IRF5: variants seen among roughly 807,000 people sequenced by gnomAD.
The protein encoded by IRF5 is interferon regulatory factor 5.
IRF5 carries 24 observed loss-of-function variants against 55.1 expected under a neutral mutation model. That is an observed-to-expected ratio of 0.44 (90% CI 0.32 to 0.61). The LOEUF is 0.61. Ranked by LOEUF, IRF5 falls within the 20% of genes least tolerant of loss-of-function variation. IRF5 has a pLI of 0.07. For missense variants in IRF5, 499 were observed against 658.5 expected, an observed-to-expected ratio of 0.76 and a Z score of 2.65; for synonymous variants, 258 against 260.2, an observed-to-expected ratio of 0.99 and a Z score of 0.08.
chr7:128,946,571 G>A lies in IRF5; in HGVS notation c.447+9G>A. 1 of 1,571,084 alleles carries A rather than the reference G, an allele frequency of 6.4e-7. No individual in the cohort carries two copies. The highest frequency in any genetic ancestry group is 1.3e-5 in the African/African-American group (1 of 74,322). ...AGGAAGAAGAGGAAGAGGTGAGTGT[G>A]GGTTGAGGAGGCAGGTGGAGCCCTG... On this transcript the variant is annotated intron_variant, in intron 4 of 8. Coordinates refer to ENST00000357234, the MANE Select transcript of IRF5 (RefSeq NM_001098629.3). This position sits in a 1 kb window ranked among gnomAD's most constrained non-coding sequence, Gnocchi z 4.2.
At chr7:128,939,348 C>CA (rs1795899627) in intron 1 of IRF5, among the ~76,000 whole-genome samples, 1 of 152,106 alleles carries the variant, frequency 6.6e-6, no homozygotes, top group African/African-American at 2.4e-5. Context: ...TTCCCCTACC[C>CA]TGACCCTGGG....
Position 128,946,413 on chromosome 7 carries a change from A to C in IRF5, c.386-88A>C. ...GCTTTGGGGAAGGCAGAAGCTGCAT[A>C]GGAGCTACAGGCAGCCTCTCAGGGG... On this transcript the variant is annotated intron_variant, in intron 3 of 8. Coordinates refer to ENST00000357234, the MANE Select transcript of IRF5 (RefSeq NM_001098629.3). The surrounding 1 kb of genome is among the most constrained non-coding windows in gnomAD (Gnocchi z 4.2). The C allele has an allele frequency of 1.4e-6, 2 of 1,477,624 alleles. No individual in the cohort carries two copies. Among genetic ancestry groups the C allele is most frequent in the Non-Finnish European group, 9.2e-7 (1 of 1,085,240 alleles). 91.5% of individuals were successfully genotyped at this position (1,477,624 alleles called of 1,614,324 possible).
rs1796272168 is a variant in IRF5 at position 128,945,855 on chromosome 7, A to C, written c.206A>C (p.Lys69Thr). The C allele has an allele frequency of 6.2e-7, 1 of 1,610,286 alleles. No individual in the cohort carries two copies. The highest frequency in any genetic ancestry group is 1.3e-5 in the African/African-American group (1 of 74,676). The change falls in exon 3 of 9, where the codon AAG becomes ACG. Residue 69 changes from lysine to threonine, a missense_variant. Coordinates refer to ENST00000357234, the MANE Select transcript of IRF5 (RefSeq NM_001098629.3). Reference protein sequence around the residue: ...GDNTIFKAWAKETGKYTEGVD... With the variant: ...GDNTIFKAWATETGKYTEGVD... ...TTCTTCCTGCCCCAGGCCTGGGCCA[A>C]GGAGACAGGGAAATACACCGAAGGC...
chr7:128,948,450 CCAT>C lies in IRF5; in HGVS notation c.1300-120_1300-118del, dbSNP rs1796448889. 2 of 1,481,800 alleles carry C rather than the reference CCAT, an allele frequency of 1.3e-6. No homozygotes were observed. The highest frequency in any genetic ancestry group is 2.8e-5 in the African/African-American group (2 of 72,144). The allele number at this position is 1,481,800 out of a possible 1,614,324, so 91.8% of individuals were successfully genotyped here. On this transcript the variant is annotated intron_variant, in intron 8 of 8. Coordinates refer to ENST00000357234, the MANE Select transcript of IRF5 (RefSeq NM_001098629.3). The surrounding 1 kb of genome is among the most constrained non-coding windows in gnomAD (Gnocchi z 4.6). ...GCAGTGTGAACTTGGCGGCCAGAGA[CCAT>C]CAAGGCTCAGAGCCGGAGAATGCGG...
chr7:128,945,922 C>T lies in IRF5; in HGVS notation c.273C>T (p.Arg91=). 6.2e-7 allele frequency: 1 copy of T among 1,613,736 alleles called. No individual in the cohort carries two copies. Among genetic ancestry groups the T allele is most frequent in the Non-Finnish European group, 8.5e-7 (1 of 1,179,898 alleles). Residue 91 remains arginine (R), a synonymous_variant, in exon 3 of 9, where the codon CGC becomes CGT. Transcript: ENST00000357234. ...ADPAKWKANL[R]CALNKSRDFR... Reference sequence around the variant, plus strand: ...CGGCCAAGTGGAAGGCCAACCTGCGCTGTGCCCTTAACAAGAGCCGGGACT... The same window carrying T: ...CGGCCAAGTGGAAGGCCAACCTGCGTTGTGCCCTTAACAAGAGCCGGGACT...
chr7:128,948,001 C>T lies in IRF5; in HGVS notation c.1060C>T (p.Arg354Cys), dbSNP rs767365191. Reference sequence around the variant, plus strand: ...ACAGGGCCAGGACCTTTATGCCATCCGCCTGTGTCAGTGCAAGGTGTTCTG... The same window carrying T: ...ACAGGGCCAGGACCTTTATGCCATCTGCCTGTGTCAGTGCAAGGTGTTCTG... ...QLQGQDLYAI[R>C]LCQCKVFWSG... The change falls in exon 7 of 9, where the codon CGC becomes TGC. Residue 354 changes from arginine (R) to cysteine (C), a missense_variant. Around this residue, in one of 2 missense-constraint regions of IRF5, gnomAD observed 194 missense variants for 318.3 expected, o/e 0.61. Transcript: ENST00000357234. The surrounding 1 kb of genome is among the most constrained non-coding windows in gnomAD (Gnocchi z 4.6). 8.1e-6 allele frequency: 13 copies of T among 1,614,176 alleles called. No homozygotes were observed. The highest frequency in any genetic ancestry group is 2.2e-5 in the South Asian group (2 of 91,086).
chr7:128,939,293 T>A (rs1193496390), intron 1 of IRF5, among the ~76,000 whole-genome samples: 1 of 152,098 alleles, frequency 6.6e-6, no homozygotes, highest in East Asian at 1.9e-4. Context: ...TCACCCCTTT[T>A]TATCTAAAGG....
At chr7:128,943,224 C>T (rs970586838) in intron 2 of IRF5, 1 of 202,646 alleles carries the variant, frequency 4.9e-6, no homozygotes, top group African/African-American at 2.4e-5. Context: ...TTAGTAGAGA[C>T]TTTGCCATGT....
Position 128,945,918 on chromosome 7 carries a change from T to A in IRF5, c.269T>A (p.Leu90Gln). The A allele has an allele frequency of 6.2e-7, 1 of 1,613,580 alleles. No homozygotes were observed. Among genetic ancestry groups the A allele is most frequent in the Non-Finnish European group, 8.5e-7 (1 of 1,179,834 alleles). Reference sequence around the variant, plus strand: ...GATCCGGCCAAGTGGAAGGCCAACCTGCGCTGTGCCCTTAACAAGAGCCGG... The same window carrying A: ...GATCCGGCCAAGTGGAAGGCCAACCAGCGCTGTGCCCTTAACAAGAGCCGG... ...EADPAKWKAN[L>Q]RCALNKSRDF... The change falls in exon 3 of 9, where the codon CTG (leucine) becomes CAG (glutamine). Residue 90 changes from leucine (L) to glutamine (Q), a missense_variant. Transcript: ENST00000357234.
intron 1 of IRF5, chr7:128,940,201 T>A (rs1347657157): frequency 1.3e-5 from 2 of 152,306 alleles, no homozygotes; most frequent in Non-Finnish European, 2.9e-5. Context: ...AAAACCTTGC[T>A]CTGTATTAAA....
In IRF5 at chr7:128,946,669, C is replaced by G. The variant is rs1796322553; in HGVS notation, c.447+107C>G. 2.7e-6 allele frequency: 2 copies of G among 743,144 alleles called. No individual in the cohort carries two copies. Among genetic ancestry groups the G allele is most frequent in the Non-Finnish European group, 4.6e-6 (2 of 432,094 alleles). The allele number at this position is 743,144 out of a possible 1,614,324, so 46.0% of individuals were successfully genotyped here. On this transcript the variant is annotated intron_variant, in intron 4 of 8. Transcript: ENST00000357234. The surrounding 1 kb of genome is among the most constrained non-coding windows in gnomAD (Gnocchi z 4.2). ...CTCCCATGGAGCCCCGTGGCCCTCT[C>G]AATAGTTCTCCTTGTTTCTTCTCCT...
chr7:128,946,750 A>G lies in IRF5; in HGVS notation c.447+188A>G. 1.6e-6 allele frequency: 1 copy of G among 635,968 alleles called. No homozygotes were observed. Among genetic ancestry groups the G allele is most frequent in the Non-Finnish European group, 2.8e-6 (1 of 357,116 alleles). 39.4% of individuals were successfully genotyped at this position (635,968 alleles called of 1,614,324 possible). ...ACCTGCTCCTTCCCAGGGCATTGTC[A>G]TTACCCTGTGTGTGTGACCCACGCA... On this transcript the variant is annotated intron_variant, in intron 4 of 8. Coordinates refer to ENST00000357234, the MANE Select transcript of IRF5 (RefSeq NM_001098629.3). The surrounding 1 kb of genome is among the most constrained non-coding windows in gnomAD (Gnocchi z 4.2).
At chr7:128,937,265 GGT>G (rs3834330), upstream of IRF5, among the ~76,000 whole-genome samples, 16,487 of 152,236 alleles carry the variant, frequency 0.11, 919 homozygotes, top group Non-Finnish European at 0.12. Flanking sequence ...AGGAACAGGA[GGT>G]GTGTGAAGGT....
rs1796537230 is a variant in IRF5, at chr7:128,950,037, T to G, written c.*1219T>G. ...CAAATAAACCTTTTTCTGTATAAAT[T>G]ACCCAGCCTCGGGTCTTCGTTTACA... On this transcript the variant is annotated 3_prime_UTR_variant, in exon 9 of 9. Coordinates refer to ENST00000357234, the MANE Select transcript of IRF5 (RefSeq NM_001098629.3). 6.6e-6 allele frequency: 1 copy of G among 152,186 alleles called. No homozygotes were observed. Among genetic ancestry groups the G allele is most frequent in the Non-Finnish European group, 1.5e-5 (1 of 68,046 alleles). 9.4% of individuals were successfully genotyped at this position (152,186 alleles called of 1,614,324 possible).
At chr7:128,939,006 C>T (rs1795881605) in intron 1 of IRF5, among the ~76,000 whole-genome samples, 1 of 63,692 alleles carries the variant, frequency 1.6e-5, no homozygotes, top group Admixed American at 2.5e-4. Context: ...CGGGCTGGCC[C>T]AGGGGGTGTG....
At chr7:128,944,766 T>A (rs1007499854) in intron 2 of IRF5, among the ~76,000 whole-genome samples, 1 of 152,262 alleles carries the variant, frequency 6.6e-6, no homozygotes, top group Non-Finnish European at 1.5e-5. Context: ...CATGTCAGCT[T>A]ATAAACAGTT....
rs765137825 is a variant in IRF5, at chr7:128,948,815, A to G, written c.1542A>G (p.Gln514=). The G allele has an allele frequency of 1.2e-5, 20 of 1,600,860 alleles. No homozygotes were observed. The highest frequency in any genetic ancestry group is 1.5e-5 in the Non-Finnish European group (18 of 1,178,760). Residue 514 remains glutamine (Q), a synonymous_variant, in exon 9 of 9, where the codon CAA becomes CAG. Coordinates refer to ENST00000357234, the MANE Select transcript of IRF5 (RefSeq NM_001098629.3). The surrounding 1 kb of genome is among the most constrained non-coding windows in gnomAD (Gnocchi z 4.6). ...GPWPMHPAGM[Q] The stretch of plus-strand genomic sequence containing the variant: ...GGCCTATGCACCCAGCTGGCATGCA[A>G]TAACAAGGCTGCAGACGGTGACTGG...
chr7:128,947,875 C>G lies in IRF5; in HGVS notation c.934C>G (p.Gln312Glu), dbSNP rs1321467367. 1.2e-6 allele frequency: 2 copies of G among 1,613,966 alleles called. No individual in the cohort carries two copies. Among genetic ancestry groups the G allele is most frequent in the Non-Finnish European group, 1.7e-6 (2 of 1,180,024 alleles). Residue 312 changes from glutamine to glutamate, a missense_variant, in exon 7 of 9, where the codon CAA (glutamine) becomes GAA (glutamate). By Grantham distance (29) the Gln-to-Glu change is conservative. This residue lies in a region of IRF5 where 194 missense variants were observed against 318.3 expected (regional missense o/e 0.61). Transcript: ENST00000357234. The surrounding 1 kb of genome is among the most constrained non-coding windows in gnomAD (Gnocchi z 6.5). ...ACTCTTCGGCCCCATAAGCCTGGAG[C>G]AAGTGCGCTTCCCCAGCCCTGAGGA... ...VELFGPISLE[Q>E]VRFPSPEDIP...
In IRF5 at chr7:128,942,193, G is replaced by T. The variant is rs548286958; in HGVS notation, c.112G>T (p.Gly38Trp). 7 of 1,614,074 alleles carry T rather than the reference G, an allele frequency of 4.3e-6. No homozygotes were observed. The South Asian group carries it at 7.7e-5, about 18-fold the overall frequency. Residue 38 changes from glycine (G) to tryptophan (W), a missense_variant, in exon 2 of 9, where the codon GGG (glycine) becomes TGG (tryptophan). Physicochemically the swap from Gly to Trp is radical, Grantham distance 184. Around this residue, in one of 2 missense-constraint regions of IRF5, gnomAD observed 305 missense variants for 340.2 expected, o/e 0.90. Coordinates refer to ENST00000357234, the MANE Select transcript of IRF5 (RefSeq NM_001098629.3). ...GTACCCAGGGCTTCAATGGGTCAAC[G>T]GGGAAAAGAAATTATTCTGCATCCC... ...CQYPGLQWVN[G>W]EKKLFCIPWR... is the part of the protein sequence containing the mutation.
Sources: gnomAD v4.1 joint callset for allele counts (sites outside exome capture counted in the v4.1 genomes callset) on GRCh38, gnomAD v4.1.1 for gene constraint, gnomAD v4.1.1 regional missense constraint, Gnocchi (gnomAD v3.1) non-coding constraint, MANE v1.5 for transcripts, NCBI Gene and HGNC (gene_info 2026-07-23, HGNC 2026-07-21) for gene names.